Variants in FBN3 observed in about 807,000 individuals in gnomAD.
FBN3 encodes the protein fibrillin-3.
In FBN3, 234 loss-of-function variants were observed where a neutral mutation model predicts 330.1. The observed-to-expected ratio is 0.71, with a 90% CI of 0.64 to 0.79. The LOEUF is 0.79. FBN3 is among the 30% of genes least tolerant of loss of function. The probability of loss-of-function intolerance (pLI) is 0.00; values close to 1 mark genes in which losing one functional copy is unlikely to be tolerated. For missense variants in FBN3, 3,606 were observed against 3,886.9 expected, an observed-to-expected ratio of 0.93 and a Z score of 1.92; for synonymous variants, 1,458 against 1,517.3, an observed-to-expected ratio of 0.96 and a Z score of 0.91.
At chr19:8,143,092 C>T (rs1037314117) in intron 6 of FBN3, among the ~76,000 whole-genome samples, 1 of 152,154 alleles carries the variant, frequency 6.6e-6, no homozygotes, top group African/African-American at 2.4e-5. Context: ...GTCCCTGACG[C>T]CACCCACTCC....
chr19:8,143,452 C>T (rs1249783754), intron 6 of FBN3, among the ~76,000 whole-genome samples: 1 of 151,582 alleles, frequency 6.6e-6, no homozygotes, highest in African/African-American at 2.4e-5. Context: ...TCACTGCTCA[C>T]AAGAAAGACA....
chr19:8,129,064 CG>C lies in FBN3; in HGVS notation c.2259del (p.Gly754AlafsTer23). On this transcript the variant is annotated frameshift_variant, in exon 18 of 64. Transcript: ENST00000600128. LOFTEE classifies it high-confidence loss of function. This position sits in a 1 kb window ranked among gnomAD's most constrained non-coding sequence, Gnocchi z 4.5. ...TCCGTGTCCTGCCAGAAGTGGAAGC[CG>C]GGGGGGCAGGAGCAGCTGTAGCTGC... ...SPGSYSCSCPPGFHFWQDTEI... is the reference protein window; with the variant it reads ...SPGSYSCSCPXGFHFWQDTEI... The C allele has an allele frequency of 3.1e-6, 5 of 1,604,202 alleles. No homozygotes were observed. The highest frequency in any genetic ancestry group is 4.3e-6 in the Non-Finnish European group (5 of 1,174,636).
At chr19:8,091,964 C>A (rs62124735) in intron 47 of FBN3, among the ~76,000 whole-genome samples, 1 of 151,620 alleles carries the variant, frequency 6.6e-6, no homozygotes, top group Non-Finnish European at 1.5e-5. Context: ...GGTGGATCAC[C>A]AGGTCAGGAG....
rs139306099 is a variant in FBN3, at chr19:8,095,495, C to G, written c.5665G>C (p.Glu1889Gln). The G allele has an allele frequency of 6.2e-7, 1 of 1,613,194 alleles. No individual in the cohort carries two copies. Among genetic ancestry groups the G allele is most frequent in the Non-Finnish European group, 8.5e-7 (1 of 1,179,580 alleles). Residue 1889 changes from glutamate (E) to glutamine (Q), a missense_variant, in exon 46 of 64, where the codon GAG becomes CAG. By Grantham distance (29) the Glu-to-Gln change is conservative (BLOSUM62 2). Coordinates refer to ENST00000600128, the MANE Select transcript of FBN3 (RefSeq NM_032447.5). ...ACCTGCCCCACCAGGGTAGTACACT[C>G]ATCAAAATCTGTAGAGGGGAGATGG... ...THNGDCVDFD[E>Q]CTTLVGQVCR... is the part of the protein sequence containing the mutation.
rs1170889020 is a variant in FBN3, at chr19:8,123,572, C to A, written c.2974G>T (p.Val992Leu). Residue 992 changes from valine (V) to leucine (L), a missense_variant, in exon 24 of 64, where the codon GTG (valine) becomes TTG (leucine). Physicochemically the swap from Val to Leu is conservative, Grantham distance 32. Coordinates refer to ENST00000600128, the MANE Select transcript of FBN3 (RefSeq NM_032447.5). ...PFYKDVNECK[V>L]FPGLCTHGTC... ...CCGTGCGTGCAGAGGCCAGGGAACA[C>A]CTTGCATTCATTCACATCTGAAGTA... 6.2e-7 allele frequency: 1 copy of A among 1,614,064 alleles called. No homozygotes were observed. The highest frequency in any genetic ancestry group is 8.5e-7 in the Non-Finnish European group (1 of 1,180,026).
intron 18 of FBN3, among the ~76,000 whole-genome samples, chr19:8,128,217 CCT>C (rs1005467088): frequency 2.0e-5 from 3 of 152,010 alleles, no homozygotes; most frequent in African/African-American, 7.2e-5. Context: ...ACTGTGTGCC[CCT>C]GAGTGTGTAC....
intron 30 of FBN3, among the ~76,000 whole-genome samples, chr19:8,113,700 C>T (rs2082640948): frequency 6.6e-6 from 1 of 151,872 alleles, no homozygotes; most frequent in South Asian, 2.1e-4. Flanking sequence ...CACAGCGAGA[C>T]CTCATCTTTA....
chr19:8,132,127 C>G (rs114713427), intron 14 of FBN3, among the ~76,000 whole-genome samples: 216 of 152,214 alleles, frequency 1.4e-3, no homozygotes, highest in African/African-American at 5.0e-3. Context: ...CTCACTGCGG[C>G]CTCCAACTCC....
chr19:8,119,075 G>A, intron 25 of FBN3, 53 bp from the exon 26 acceptor site: 2 of 1,554,132 alleles, frequency 1.3e-6, no homozygotes, highest in East Asian at 2.3e-5. Context: ...GATGCAGGGA[G>A]GGGGTGATGA....
In FBN3 at chr19:8,087,907, G is replaced by A. The variant is rs775135257; in HGVS notation, c.6537C>T (p.Phe2179=). The A allele has an allele frequency of 3.1e-6, 5 of 1,614,204 alleles. No homozygotes were observed. The South Asian group carries it at 4.4e-5, about 14-fold the overall frequency. Residue 2179 remains phenylalanine (F), a synonymous_variant, in exon 53 of 64, where the codon TTC becomes TTT. Transcript: ENST00000600128. ...ECSLNPLLCA[F]RCHNTEGSYL... is the part of the protein sequence containing the mutation. ...AGGAGCCCTCGGTATTGTGGCAGCG[G>A]AAGGCACAGAGCAGCGGGTTCAGGG...
chr19:8,131,490 A>G lies in FBN3; in HGVS notation c.1990+64T>C. ...ATGGCAGCCATGACCCCCCACCAGA[A>G]GCGAGAACCGATGGAGGCATTCAGA... On this transcript the variant is annotated intron_variant, in intron 15 of 63. Transcript: ENST00000600128. The surrounding 1 kb of genome is among the most constrained non-coding windows in gnomAD (Gnocchi z 4.5). 6.5e-7 allele frequency: 1 copy of G among 1,547,846 alleles called. No individual in the cohort carries two copies. The highest frequency in any genetic ancestry group is 8.8e-7 in the Non-Finnish European group (1 of 1,141,104).
rs1427326306 is a variant in FBN3, at chr19:8,149,356, TC to T, written c.-18+92del. The T allele has an allele frequency of 3.3e-5, 5 of 150,100 alleles. No individual in the cohort carries two copies. The East Asian group carries it at 1.0e-3, about 30-fold the overall frequency. The allele number at this position is 150,100 out of a possible 1,614,324, so 9.3% of individuals were successfully genotyped here. ...CCCGGCTGCGAACAAAGGAATCCTC[TC>T]CCCCTCCCCCTGCCGGCCCCCCCGC... On this transcript the variant is annotated intron_variant, in intron 1 of 63. Coordinates refer to ENST00000600128, the MANE Select transcript of FBN3 (RefSeq NM_032447.5). The surrounding 1 kb of genome is among the most constrained non-coding windows in gnomAD (Gnocchi z 5.5).
chr19:8,106,042 G>A, intron 38 of FBN3, 66 bp downstream of exon 38: 2 of 1,591,088 alleles, frequency 1.3e-6, no homozygotes, highest in Non-Finnish European at 1.7e-6. Context: ...TGTGAGGCTT[G>A]GCAGGGCAGG....
chr19:8,068,658 C>A (rs1015095565), intron 63 of FBN3, among the ~76,000 whole-genome samples: 1 of 151,792 alleles, frequency 6.6e-6, no homozygotes, highest in Non-Finnish European at 1.5e-5. Context: ...GCTATGATTG[C>A]GCCACTGCAT....
chr19:8,147,546 C>T (rs2083581141), intron 1 of FBN3, 49 bp from the exon 2 acceptor site: 1 of 1,372,852 alleles, frequency 7.3e-7, no homozygotes, highest in Admixed American at 3.2e-5. Flanking sequence ...CCACCCTAGC[C>T]ATGGGGGACC....
In FBN3 at chr19:8,138,457, A is replaced by G. The variant is rs544336797; in HGVS notation, c.973T>C (p.Trp325Arg). 6.2e-7 allele frequency: 1 copy of G among 1,613,368 alleles called. No homozygotes were observed. The highest frequency in any genetic ancestry group is 1.3e-5 in the African/African-American group (1 of 75,062). The change falls in exon 9 of 64, where the codon TGG (tryptophan) becomes CGG (arginine). Residue 325 changes from tryptophan to arginine, a missense_variant. By Grantham distance (101) the Trp-to-Arg change is moderately radical (BLOSUM62 -3). Coordinates refer to ENST00000600128, the MANE Select transcript of FBN3 (RefSeq NM_032447.5). The stretch of plus-strand genomic sequence containing the variant: ...AGCTCAGGGACCGGGCCAGCTGCCC[A>G]GCACCTGCCCCTGTCACAGCAGCAC... ...RQCCCDRGRCWAAGPVPELCP... is the reference protein window; with the variant it reads ...RQCCCDRGRCRAAGPVPELCP...
intron 59 of FBN3, among the ~76,000 whole-genome samples, chr19:8,077,771 T>C (rs565311613): frequency 2.3e-3 from 343 of 151,856 alleles, no homozygotes; most frequent in African/African-American, 7.7e-3. Context: ...AGAATAGCTC[T>C]AGACTCTGGC....
chr19:8,133,065 C>A lies in FBN3; in HGVS notation c.1633G>T (p.Val545Leu), dbSNP rs142269916. 2.5e-6 allele frequency: 4 copies of A among 1,585,762 alleles called. No individual in the cohort carries two copies. The highest frequency in any genetic ancestry group is 3.4e-6 in the Non-Finnish European group (4 of 1,167,336). Residue 545 changes from valine (V) to leucine (L), a missense_variant, in exon 14 of 64, where the codon GTG becomes TTG. Val to Leu is a conservative substitution (Grantham distance 32). Transcript: ENST00000600128. ...CATSTMCVNG[V>L]CLNEDGSFSC... ...AAGCTGCCATCCTCGTTGAGACACA[C>A]GCCGTTGACGCACATGGTGCTGGTG...
chr19:8,090,079 G>A lies in FBN3; in HGVS notation c.6184+20C>T, dbSNP rs1400212578. On this transcript the variant is annotated intron_variant, in intron 49 of 63. Transcript: ENST00000600128. ...TGAGGGCACATCATCCAGGGAGCCT[G>A]GACAGGGGTGGGCACTCACCGCTGC... 1.2e-6 allele frequency: 2 copies of A among 1,611,632 alleles called. No individual in the cohort carries two copies. Among genetic ancestry groups the A allele is most frequent in the Non-Finnish European group, 1.7e-6 (2 of 1,178,706 alleles).
Sources: allele counts gnomAD v4.1 joint callset (sites outside exome capture counted in the v4.1 genomes callset), GRCh38; gene constraint gnomAD v4.1.1; non-coding constraint Gnocchi (gnomAD v3.1); transcripts MANE v1.5; gene names NCBI Gene and HGNC (gene_info 2026-07-23, HGNC 2026-07-21).